ITIH5: variants seen among roughly 807,000 people sequenced by gnomAD.
ITIH5 encodes the protein inter-alpha-trypsin inhibitor heavy chain 5.
ITIH5 carries 65 observed loss-of-function variants against 77.5 expected under a neutral mutation model. That is an observed-to-expected ratio of 0.84 (90% CI 0.69 to 1.03). ITIH5 has a LOEUF of 1.03. Ranked by LOEUF, ITIH5 falls within the 50% of genes least tolerant of loss-of-function variation. The pLI is 0.00. For missense variants in ITIH5, 1,208 were observed against 1,213.1 expected, an observed-to-expected ratio of 1.00 and a Z score of 0.06; for synonymous variants, 525 against 494.3, an observed-to-expected ratio of 1.06 and a Z score of -0.82.
At chr10:7,652,435 T>G (rs1042535354) in intron 2 of ITIH5, among the ~76,000 whole-genome samples, 4 of 152,166 alleles carry the variant, frequency 2.6e-5, no homozygotes, top group African/African-American at 4.8e-5. Flanking sequence ...CCACGGGTGA[T>G]GTGGAGTCAC....
At chr10:7,574,928 T>G (rs191655245) in intron 10 of ITIH5, among the ~76,000 whole-genome samples, 22 of 152,176 alleles carry the variant, frequency 1.4e-4, no homozygotes, top group African/African-American at 4.3e-4. Context: ...AGATTTGCGC[T>G]GATGACCTAG....
intron 5 of ITIH5, among the ~76,000 whole-genome samples, chr10:7,624,863 ATGTATATATGTATG>A (rs1833547041): frequency 1.1e-5 from 1 of 93,072 alleles, no homozygotes; most frequent in South Asian, 3.6e-4. Flanking sequence ...ATGTGTATAT[ATGTATATATGTATG>A]TATATATATG....
chr10:7,573,231 C>T (rs775121076), intron 10 of ITIH5, 36 bp from the exon 11 acceptor site: 6 of 1,581,510 alleles, frequency 3.8e-6, no homozygotes, highest in Non-Finnish European at 5.2e-6. Flanking sequence ...CATGGTCATT[C>T]CTTAAAGAAG....
In ITIH5 at chr10:7,613,817, T is replaced by C. The variant is rs117283429; in HGVS notation, c.939+2165A>G. 9.1e-3 allele frequency among the ~76,000 whole-genome samples: 1,380 copies of C among 152,282 alleles called. 15 individuals carry two copies. Among genetic ancestry groups the C allele is most frequent in the Middle Eastern group, 0.02 (6 of 294 alleles). ...TGTAGCTTAGGGGTGCTCTGGCAAA[T>C]CTACACTGTGTGCAAAGCAGAAATA... On this transcript the variant is annotated intron_variant, in intron 7 of 13. Coordinates refer to ENST00000397146, the MANE Select transcript of ITIH5 (RefSeq NM_030569.7).
chr10:7,649,512 AGATAGATG>A lies in ITIH5; in HGVS notation c.135+6111_135+6118del, dbSNP rs1279501651. Among the ~76,000 whole-genome samples, 15 of 117,526 alleles carry A rather than the reference AGATAGATG, an allele frequency of 1.3e-4. No homozygotes were observed. In the South Asian group the frequency reaches 2.2e-3, roughly 17 times the overall value. 77.1% of individuals were successfully genotyped at this position (117,526 alleles called of 152,430 possible). A position where few individuals can be genotyped will look rare whatever the true frequency, so the allele number is the denominator to read the frequency against. ...TGGGTAAGTGGATAGATGGATAGATAGATAGATGGATAGATAGATAGGTAGGTAGATAG... is the reference window on the plus strand; with the variant it reads ...TGGGTAAGTGGATAGATGGATAGATAGATAGATAGATAGGTAGGTAGATAG... On this transcript the variant is annotated intron_variant, in intron 2 of 13. Transcript: ENST00000397146.
At chr10:7,649,805 A>AT (rs1374575806) in intron 2 of ITIH5, among the ~76,000 whole-genome samples, 1 of 152,184 alleles carries the variant, frequency 6.6e-6, no homozygotes, top group Non-Finnish European at 1.5e-5. Flanking sequence ...GAAACAGACA[A>AT]CCCTAAAGAA....
chr10:7,664,707 C>T (rs1834334610), intron 1 of ITIH5, among the ~76,000 whole-genome samples: 1 of 152,136 alleles, frequency 6.6e-6, no homozygotes, highest in African/African-American at 2.4e-5. Flanking sequence ...AACTGCAATG[C>T]AAGTTAATAG....
At chr10:7,621,693 G>A (rs1833476366) in intron 5 of ITIH5, 1 of 151,856 alleles carries the variant, frequency 6.6e-6, no homozygotes, top group Non-Finnish European at 1.5e-5. Flanking sequence ...TTTTATTAAG[G>A]GGGAAAAAAA....
At chr10:7,586,892 G>C (rs760534747) in intron 7 of ITIH5, among the ~76,000 whole-genome samples, 1 of 151,762 alleles carries the variant, frequency 6.6e-6, no homozygotes, top group Admixed American at 6.6e-5. Flanking sequence ...ATGCAGTGGC[G>C]CGATCTCAGC....
intron 12 of ITIH5, among the ~76,000 whole-genome samples, chr10:7,568,664 C>T (rs1444022270): frequency 2.0e-5 from 3 of 152,220 alleles, no homozygotes; most frequent in Admixed American, 2.0e-4. Context: ...TTCCAAGACA[C>T]GTTCTCAGCA....
intron 7 of ITIH5, among the ~76,000 whole-genome samples, chr10:7,597,637 A>G (rs4749055): frequency 0.19 from 26,857 of 140,958 alleles, 3,139 homozygotes; most frequent in Middle Eastern, 0.3. Flanking sequence ...TGTACCCCAG[A>G]GACACCCGTA....
chr10:7,641,983 C>G lies in ITIH5; in HGVS notation c.243G>C (p.Gln81His). 3.7e-6 allele frequency: 6 copies of G among 1,614,146 alleles called. No individual in the cohort carries two copies. Among genetic ancestry groups the G allele is most frequent in the Non-Finnish European group, 5.1e-6 (6 of 1,180,000 alleles). The stretch of plus-strand genomic sequence containing the variant: ...GAATCTGCATCTGGAACTCAATGTC[C>G]TGGTCTTCAGAAGCTCTGTTCAGCA... ...CRMLNRASED[Q>H]DIEFQMQIPA... Residue 81 changes from glutamine (Q) to histidine (H), a missense_variant, in exon 3 of 14, where the codon CAG becomes CAC. Physicochemically the swap from Gln to His is conservative, Grantham distance 24. Coordinates refer to ENST00000397146, the MANE Select transcript of ITIH5 (RefSeq NM_030569.7).
At chr10:7,666,024 G>T (rs1182240475) in intron 1 of ITIH5, among the ~76,000 whole-genome samples, 1 of 152,210 alleles carries the variant, frequency 6.6e-6, no homozygotes, top group Non-Finnish European at 1.5e-5. Flanking sequence ...GCACAAACAC[G>T]CTGGAAGCTA....
At chr10:7,643,797 C>G (rs916038796) in intron 2 of ITIH5, among the ~76,000 whole-genome samples, 4 of 152,218 alleles carry the variant, frequency 2.6e-5, no homozygotes, top group African/African-American at 7.2e-5. Context: ...AAGATCATCA[C>G]AAACCTTGCT....
chr10:7,636,492 T>G lies in ITIH5; in HGVS notation c.652+736A>C, dbSNP rs768079884. 1.2e-4 allele frequency among the ~76,000 whole-genome samples: 19 copies of G among 152,328 alleles called. No individual in the cohort carries two copies. In the South Asian group the frequency reaches 2.3e-3, roughly 18 times the overall value. On this transcript the variant is annotated intron_variant, in intron 5 of 13. Coordinates refer to ENST00000397146, the MANE Select transcript of ITIH5 (RefSeq NM_030569.7). Reference sequence around the variant, plus strand: ...TTTATCAGCTTCATATTTAACATTATAGTACATATACAATTTGCCTTTTCT... The same window carrying G: ...TTTATCAGCTTCATATTTAACATTAGAGTACATATACAATTTGCCTTTTCT...
intron 8 of ITIH5, among the ~76,000 whole-genome samples, chr10:7,582,636 C>A (rs982034547): frequency 6.6e-6 from 1 of 152,040 alleles, no homozygotes; most frequent in Non-Finnish European, 1.5e-5. Context: ...ACATATATAC[C>A]ATGGGGCACT....
At position 7,577,117 on chromosome 10, in the gene ITIH5, T is replaced by G. The variant is rs955221887; in HGVS notation, c.1419-105A>C. On this transcript the variant is annotated intron_variant, in intron 9 of 13. Transcript: ENST00000397146. Reference sequence around the variant, plus strand: ...GACTCTCAGGGGGATGCATCTGATTTTAGAAGCAATTGAGTCCAACATGGC... The same window carrying G: ...GACTCTCAGGGGGATGCATCTGATTGTAGAAGCAATTGAGTCCAACATGGC... 5 of 960,562 alleles carry G rather than the reference T, an allele frequency of 5.2e-6. No individual in the cohort carries two copies. In the African/African-American group the frequency reaches 6.6e-5, roughly 13 times the overall value. 59.5% of individuals were successfully genotyped at this position (960,562 alleles called of 1,614,324 possible). A position where few individuals can be genotyped will look rare whatever the true frequency, so the allele number is the denominator to read the frequency against.
intron 7 of ITIH5, among the ~76,000 whole-genome samples, chr10:7,594,383 C>T (rs1453493645): frequency 1.3e-5 from 2 of 152,168 alleles, no homozygotes; most frequent in Non-Finnish European, 2.9e-5. Flanking sequence ...CTCGTGTCCT[C>T]TAAGCTCCCT....
At chr10:7,641,619 C>T (rs369509191) in intron 3 of ITIH5, among the ~76,000 whole-genome samples, 4 of 129,336 alleles carry the variant, frequency 3.1e-5, no homozygotes, top group Non-Finnish European at 3.2e-5. Context: ...GGGAGAGAGA[C>T]GAGGAGGGAA....
Sources: allele counts gnomAD v4.1 joint callset (sites outside exome capture counted in the v4.1 genomes callset), GRCh38; gene constraint gnomAD v4.1.1; transcripts MANE v1.5; gene names NCBI Gene and HGNC (gene_info 2026-07-23, HGNC 2026-07-21).